Variants in FAN1 observed in about 807,000 individuals in gnomAD.
The protein encoded by FAN1 is fanconi-associated nuclease 1.
Under a neutral mutation model 104.9 loss-of-function variants are expected in FAN1, and 91 were observed. The ratio of observed to expected loss-of-function variants is 0.87; its 90% CI spans 0.73 to 1.03. The LOEUF (loss-of-function observed/expected upper bound fraction) is 1.03, where lower values mean the gene tolerates loss of function less well. Among genes scored for constraint, FAN1 ranks in the 50% least tolerant of loss-of-function variants. FAN1 has a pLI of 0.00. For synonymous variants in FAN1, 478 were observed against 457.6 expected, an observed-to-expected ratio of 1.04 and a Z score of -0.57; for missense variants, 1,263 against 1,239.9, an observed-to-expected ratio of 1.02 and a Z score of -0.28.
intron 6 of FAN1, among the ~76,000 whole-genome samples, chr15:30,919,239 G>C (rs1044041430): frequency 5.9e-5 from 9 of 151,764 alleles, no homozygotes; most frequent in Non-Finnish European, 1.3e-4. Flanking sequence ...AATTAGCCAG[G>C]CCTGGTGGTG....
chr15:30,931,945 G>A (rs926128024), intron 13 of FAN1, among the ~76,000 whole-genome samples: 16 of 149,082 alleles, frequency 1.1e-4, no homozygotes, highest in South Asian at 2.1e-4. Flanking sequence ...AGCTGAGGCC[G>A]GGTACGGTGG....
Position 30,926,586 on chromosome 15 carries a change from A to G in FAN1, c.2488+647A>G, listed in dbSNP as rs916607354. 6 of 982,564 alleles carry G rather than the reference A, an allele frequency of 6.1e-6. No individual in the cohort carries two copies. In the South Asian group the frequency reaches 1.9e-4, roughly 31 times the overall value. 60.9% of individuals were successfully genotyped at this position (982,564 alleles called of 1,614,324 possible). ...CTGATGAGTGTTGAGATTCATCTACATAATATCTTTATTACTTACAGGGAA... is the reference window on the plus strand; with the variant it reads ...CTGATGAGTGTTGAGATTCATCTACGTAATATCTTTATTACTTACAGGGAA... On this transcript the variant is annotated intron_variant, in intron 10 of 14. Transcript: ENST00000362065.
chr15:30,916,230 C>G, intron 5 of FAN1, among the ~76,000 whole-genome samples: 1 of 152,134 alleles, frequency 6.6e-6, no homozygotes, highest in East Asian at 1.9e-4. Flanking sequence ...AATGTATACT[C>G]TGAAGCCAAG....
Position 30,903,961 on chromosome 15 carries a change from C to T in FAN1, c.-203C>T, listed in dbSNP as rs1164483947. ...GAGGGAAGGAGGACGCGAGGGCAGC[C>T]AGGCCCTAGGGAGCAGGGAGAGTGG... On this transcript the variant is annotated 5_prime_UTR_variant, in exon 1 of 15. Transcript: ENST00000362065. 6.6e-6 allele frequency: 1 copy of T among 152,542 alleles called. No homozygotes were observed. Among genetic ancestry groups the T allele is most frequent in the Non-Finnish European group, 1.5e-5 (1 of 68,350 alleles). 9.4% of individuals were successfully genotyped at this position (152,542 alleles called of 1,614,324 possible). A position where few individuals can be genotyped will look rare whatever the true frequency, so the allele number is the denominator to read the frequency against.
chr15:30,931,453 C>G (rs779585939), intron 13 of FAN1, among the ~76,000 whole-genome samples: 1 of 152,176 alleles, frequency 6.6e-6, no homozygotes, highest in Non-Finnish European at 1.5e-5. Context: ...CTTATTTGTT[C>G]TCTAGTGGAT....
At position 30,910,668 on chromosome 15, in the gene FAN1, T is replaced by A. The variant is rs1432210035; in HGVS notation, c.1430T>A (p.Leu477Gln). ...CTTGAACTCCTTTCTGCTCCTGAAC[T>A]AAAATCCCTAGCCAAGACCTTCCAC... ...EVLELLSAPE[L>Q]KSLAKTFHLV... Residue 477 changes from leucine to glutamine, a missense_variant, in exon 4 of 15, where the codon CTA becomes CAA. By Grantham distance (113) the Leu-to-Gln change is moderately radical. This residue lies in a region of FAN1 where 682 missense variants were observed against 571.1 expected (regional missense o/e 1.19). Transcript: ENST00000362065. 8.7e-6 allele frequency: 14 copies of A among 1,613,776 alleles called. No homozygotes were observed. The highest frequency in any genetic ancestry group is 1.1e-5 in the Non-Finnish European group (13 of 1,179,872).
chr15:30,937,283 C>T, intron 14 of FAN1, 24 bp downstream of exon 14: 1 of 1,588,768 alleles, frequency 6.3e-7, no homozygotes, highest in East Asian at 2.2e-5. Flanking sequence ...GATATTTGGT[C>T]ATACATTAAT....
At chr15:30,907,244 A>G (rs914754676) in intron 2 of FAN1, among the ~76,000 whole-genome samples, 1 of 151,966 alleles carries the variant, frequency 6.6e-6, no homozygotes, top group Non-Finnish European at 1.5e-5. Context: ...TAGGCTGGGC[A>G]TGGTGGCTCA....
intron 10 of FAN1, chr15:30,927,731 T>C: frequency 1.0e-6 from 1 of 985,604 alleles, no homozygotes; most frequent in South Asian, 4.7e-5. Flanking sequence ...CCATGTGGCC[T>C]CCTCCTCTGT....
At position 30,941,623 on chromosome 15, in the gene FAN1, G is replaced by A. The variant is rs773402393; in HGVS notation, c.*61G>A. The A allele has an allele frequency of 6.2e-7, 1 of 1,605,504 alleles. No homozygotes were observed. The highest frequency in any genetic ancestry group is 8.5e-7 in the Non-Finnish European group (1 of 1,175,768). On this transcript the variant is annotated 3_prime_UTR_variant, in exon 15 of 15. Coordinates refer to ENST00000362065, the MANE Select transcript of FAN1 (RefSeq NM_014967.5). ...AGAGAAACTCCGGTGTCCCCGAGGT[G>A]TCGGTGTGGTGAGGGCCGCTGGCGT...
chr15:30,934,908 T>C (rs1051021119), intron 13 of FAN1, among the ~76,000 whole-genome samples: 1 of 152,236 alleles, frequency 6.6e-6, no homozygotes, highest in Non-Finnish European at 1.5e-5. Flanking sequence ...CTATAACATA[T>C]TATTTTTGCT....
chr15:30,928,729 T>C, intron 11 of FAN1, 73 bp downstream of exon 11: 1 of 1,604,612 alleles, frequency 6.2e-7, no homozygotes, highest in Non-Finnish European at 8.5e-7. Flanking sequence ...CTGGGCACCG[T>C]GTGTCCACAG....
chr15:30,919,692 GAAAAAAAAA>G (rs57795513), intron 6 of FAN1, among the ~76,000 whole-genome samples: 25 of 129,376 alleles, frequency 1.9e-4, no homozygotes, highest in Non-Finnish European at 3.6e-4. Context: ...CTGTCTCGGG[GAAAAAAAAA>G]AAAAAAAAGA....
rs2062079518 is a variant in FAN1 at position 30,910,675 on chromosome 15, C to T, written c.1437C>T (p.Ser479=). The T allele has an allele frequency of 6.2e-7, 1 of 1,613,684 alleles. No homozygotes were observed. Among genetic ancestry groups the T allele is most frequent in the Non-Finnish European group, 8.5e-7 (1 of 1,179,832 alleles). ...TCCTTTCTGCTCCTGAACTAAAATC[C>T]CTAGCCAAGACCTTCCACTTGGTGA... ...LELLSAPELK[S]LAKTFHLVNP... is the part of the protein sequence containing the mutation. Residue 479 remains serine, a synonymous_variant, in exon 4 of 15, where the codon TCC becomes TCT. Coordinates refer to ENST00000362065, the MANE Select transcript of FAN1 (RefSeq NM_014967.5).
intron 2 of FAN1, among the ~76,000 whole-genome samples, chr15:30,906,821 G>A (rs1217243306): frequency 6.6e-6 from 1 of 152,184 alleles, no homozygotes; most frequent in African/African-American, 2.4e-5. Flanking sequence ...TACTTTTGCT[G>A]TTCTCACCAG....
intron 8 of FAN1, among the ~76,000 whole-genome samples, chr15:30,923,653 C>T (rs1438497531): frequency 6.6e-6 from 1 of 152,332 alleles, no homozygotes; most frequent in East Asian, 1.9e-4. Flanking sequence ...GCCAGCTGGG[C>T]CCTCCCTCTC....
At chr15:30,904,357 C>T (rs925440341) in intron 1 of FAN1, among the ~76,000 whole-genome samples, 155 bp from the exon 2 acceptor site, 1 of 152,146 alleles carries the variant, frequency 6.6e-6, no homozygotes, top group East Asian at 1.9e-4. Flanking sequence ...ACTAAGATCG[C>T]GTACAGAGCT....
chr15:30,924,429 C>A (rs1469213142), intron 8 of FAN1, among the ~76,000 whole-genome samples: 1 of 152,166 alleles, frequency 6.6e-6, no homozygotes, highest in Non-Finnish European at 1.5e-5. Context: ...ACAGTGTTTA[C>A]ACCAGTGTCA....
At chr15:30,919,600 A>G (rs1055129038) in intron 6 of FAN1, among the ~76,000 whole-genome samples, 8 of 151,796 alleles carry the variant, frequency 5.3e-5, no homozygotes, top group Non-Finnish European at 1.0e-4. Flanking sequence ...GAGGCAGGAG[A>G]ATCACATGAA....
Sources: allele counts gnomAD v4.1 joint callset (sites outside exome capture counted in the v4.1 genomes callset), GRCh38; gene constraint gnomAD v4.1.1; regional missense constraint gnomAD v4.1.1; transcripts MANE v1.5; gene names NCBI Gene and HGNC (gene_info 2026-07-23, HGNC 2026-07-21).